The following DAB1 variants were observed in gnomAD, a reference collection of about 807,000 sequenced individuals.
DAB1 encodes disabled homolog 1.
DAB1 carries 15 observed loss-of-function variants against 64.6 expected under a neutral mutation model. That is an observed-to-expected ratio of 0.23 (90% confidence interval 0.16 to 0.36). The LOEUF (loss-of-function observed/expected upper bound fraction) is 0.36. DAB1 is among the 10% of genes least tolerant of loss of function. The pLI is 1.00. For synonymous variants in DAB1, 235 were observed against 251.9 expected, an observed-to-expected ratio of 0.93 and a Z score of 0.64; for missense variants, 596 against 706.7, an observed-to-expected ratio of 0.84 and a Z score of 1.78.
intron 6 of DAB1, among the ~76,000 whole-genome samples, chr1:57,711,827 T>A (rs978692604): frequency 1.3e-5 from 2 of 152,218 alleles, no homozygotes; most frequent in Non-Finnish European, 2.9e-5. Flanking sequence ...AAGAGGCATG[T>A]CTATGGAAAC....
At chr1:57,705,812 T>C (rs1343162519) in intron 6 of DAB1, among the ~76,000 whole-genome samples, 1 of 151,812 alleles carries the variant, frequency 6.6e-6, no homozygotes, top group East Asian at 1.9e-4. Flanking sequence ...CCATTTACAA[T>C]AATGTTTAAC....
intron 5 of DAB1, among the ~76,000 whole-genome samples, chr1:58,116,030 A>G (rs957808749): frequency 3.3e-5 from 5 of 149,768 alleles, no homozygotes; most frequent in Admixed American, 1.3e-4. Context: ...TATACAAAAA[A>G]AATAAAAATA....
At position 58,376,566 on chromosome 1, in the gene DAB1, G is replaced by A. The variant is rs1222413367; in HGVS notation, n.258-33163C>T. 1.4e-4 allele frequency among the ~76,000 whole-genome samples: 21 copies of A among 147,048 alleles called. 1 individual carries two copies. The highest frequency in any genetic ancestry group is 1.1e-3 in the South Asian group (5 of 4,680). On this transcript the variant is annotated intron_variant and non_coding_transcript_variant, in intron 3 of 20. Transcript: ENST00000485760. ...AGATAGTTTGTTATAATTTCTGTTC[G>A]TTTACATTTGCTGAGGAGAGCTTTA...
intron 7 of DAB1, among the ~76,000 whole-genome samples, chr1:57,509,765 C>T (rs1558446950): frequency 6.6e-6 from 1 of 152,186 alleles, no homozygotes; most frequent in Non-Finnish European, 1.5e-5. Flanking sequence ...CCTCTCTGCT[C>T]CCTTGCTAAG....
intron 5 of DAB1, among the ~76,000 whole-genome samples, chr1:57,891,442 AAG>A (rs1644312140): frequency 6.6e-6 from 1 of 152,154 alleles, no homozygotes; most frequent in African/African-American, 2.4e-5. Flanking sequence ...TTGTGGAAGA[AAG>A]TGTGGTGATT....
chr1:57,744,806 G>A (rs1357203496), intron 6 of DAB1, among the ~76,000 whole-genome samples: 5 of 152,144 alleles, frequency 3.3e-5, no homozygotes, highest in Admixed American at 6.5e-5. Context: ...AACTATGGCC[G>A]AGGACATGGT....
chr1:58,404,165 G>T (rs138364265), intron 3 of DAB1, among the ~76,000 whole-genome samples: 38 of 152,274 alleles, frequency 2.5e-4, no homozygotes, highest in African/African-American at 7.9e-4. Context: ...CACTGGCACT[G>T]AGCAAGCCAA....
At chr1:57,667,966 C>A (rs1646468401) in intron 6 of DAB1, among the ~76,000 whole-genome samples, 1 of 151,872 alleles carries the variant, frequency 6.6e-6, no homozygotes, top group African/African-American at 2.4e-5. Flanking sequence ...ACAGGTGCAG[C>A]AAACCACCAT....
At chr1:57,665,849 C>CTGTG (rs397862533) in intron 6 of DAB1, among the ~76,000 whole-genome samples, 5,212 of 137,142 alleles carry the variant, frequency 0.038, 119 homozygotes, top group Middle Eastern at 0.12. Context: ...TTTTAATTAT[C>CTGTG]TGTGTGTGTG....
intron 5 of DAB1, among the ~76,000 whole-genome samples, chr1:57,940,402 C>T (rs1441528120): frequency 1.3e-5 from 2 of 151,856 alleles, no homozygotes; most frequent in South Asian, 2.1e-4. Context: ...CTTCTAATGT[C>T]TGCACCTTAC....
At chr1:58,079,336 A>T (rs750029915) in intron 5 of DAB1, among the ~76,000 whole-genome samples, 3 of 152,008 alleles carry the variant, frequency 2.0e-5, no homozygotes, top group Non-Finnish European at 4.4e-5. Flanking sequence ...CCTCATTTGG[A>T]GTGCTCATTA....
At chr1:57,948,835 A>G (rs190469595) in intron 5 of DAB1, among the ~76,000 whole-genome samples, 1 of 152,250 alleles carries the variant, frequency 6.6e-6, no homozygotes, top group Admixed American at 6.5e-5. Flanking sequence ...GCCAAGAAAT[A>G]GAGCCTTGGG....
intron 6 of DAB1, among the ~76,000 whole-genome samples, chr1:57,664,623 A>G (rs1646425632): frequency 6.6e-6 from 1 of 152,160 alleles, no homozygotes; most frequent in African/African-American, 2.4e-5. Flanking sequence ...TAAGGAAATA[A>G]TTTAATAATT....
At chr1:57,140,588 AC>A (rs1020219508) in intron 3 of DAB1, among the ~76,000 whole-genome samples, 1 of 152,170 alleles carries the variant, frequency 6.6e-6, no homozygotes, top group Non-Finnish European at 1.5e-5. Context: ...CAGCTTCCAA[AC>A]TTAGTGCTGA....
At chr1:58,364,531 G>A (rs1033408649) in intron 3 of DAB1, among the ~76,000 whole-genome samples, 2 of 152,140 alleles carry the variant, frequency 1.3e-5, no homozygotes, top group Admixed American at 6.5e-5. Flanking sequence ...ACCTGGCACA[G>A]TCCACTCCTT....
At chr1:57,720,478 C>T (rs544038822) in intron 6 of DAB1, among the ~76,000 whole-genome samples, 10 of 152,272 alleles carry the variant, frequency 6.6e-5, no homozygotes, top group African/African-American at 2.2e-4. Context: ...GTTTTAATTC[C>T]GGCATGAAGA....
At chr1:57,024,943 C>G (rs571160536) in intron 10 of DAB1, among the ~76,000 whole-genome samples, 2 of 152,322 alleles carry the variant, frequency 1.3e-5, no homozygotes, top group Admixed American at 1.3e-4. Context: ...GGCAGCAGGG[C>G]AGCTGTGCCT....
At chr1:58,541,629 A>C (rs916893962) in intron 1 of DAB1, 32 of 146,506 alleles carry the variant, frequency 2.2e-4, no homozygotes, top group African/African-American at 7.3e-4. Context: ...AAAAAAAAAA[A>C]AAAAAAAAAA....
At chr1:57,191,146 T>C (rs1256832379) in intron 2 of DAB1, among the ~76,000 whole-genome samples, 2 of 152,158 alleles carry the variant, frequency 1.3e-5, no homozygotes, top group East Asian at 3.9e-4. Context: ...TGATGGTAAA[T>C]ACAAGCTAAT....
Sources: allele counts gnomAD v4.1 joint callset (sites outside exome capture counted in the v4.1 genomes callset), GRCh38; gene constraint gnomAD v4.1.1; transcripts MANE v1.5; gene names NCBI Gene and HGNC (gene_info 2026-07-23, HGNC 2026-07-21).